Variants in NCK1 observed in about 807,000 individuals in gnomAD.
NCK1 encodes the protein NCK adaptor protein 1, also known as SH2/SH3 adapter protein NCK1.
In NCK1, 19 loss-of-function variants were observed where a neutral mutation model predicts 36.6. The ratio of observed to expected loss-of-function variants is 0.52; its 90% CI spans 0.36 to 0.76. The LOEUF is 0.76. NCK1 is among the 30% of genes least tolerant of loss of function. The pLI is 0.00. For synonymous variants in NCK1, 165 were observed against 156.0 expected (o/e 1.06, Z -0.43); for missense variants, 358 against 445.6 (o/e 0.80, Z 1.77).
At chr3:136,943,488 C>T (rs914433695) in intron 2 of NCK1, among the ~76,000 whole-genome samples, 6 of 152,214 alleles carry the variant, frequency 3.9e-5, no homozygotes, top group African/African-American at 7.2e-5. Context: ...GCAAAGAGAT[C>T]TGGGAACCTT....
intron 2 of NCK1, among the ~76,000 whole-genome samples, chr3:136,931,801 T>C (rs986096514): frequency 6.6e-6 from 1 of 152,066 alleles, no homozygotes; most frequent in Non-Finnish European, 1.5e-5. Flanking sequence ...ATGTTGACCA[T>C]AAAGCAACCA....
chr3:136,888,373 T>C (rs1939130371), intron 1 of NCK1, among the ~76,000 whole-genome samples: 1 of 152,222 alleles, frequency 6.6e-6, no homozygotes, highest in African/African-American at 2.4e-5. Context: ...TTTTAGTATA[T>C]TCAGAGTTGT....
chr3:136,933,226 T>G (rs1405152980), intron 2 of NCK1, among the ~76,000 whole-genome samples: 1 of 152,208 alleles, frequency 6.6e-6, no homozygotes, highest in Non-Finnish European at 1.5e-5. Context: ...GTATGCTCCC[T>G]TATGTGTGTG....
At chr3:136,882,581 G>A (rs543357473) in intron 1 of NCK1, among the ~76,000 whole-genome samples, 1 of 152,106 alleles carries the variant, frequency 6.6e-6, no homozygotes, top group Admixed American at 6.5e-5. Context: ...GTGTGTGTGT[G>A]TGTGTGTGTT....
intron 2 of NCK1, chr3:136,928,785 G>GTGGCCCTAA (rs764087868): frequency 0.038 from 5,717 of 149,904 alleles, 233 homozygotes; most frequent in South Asian, 0.064. Context: ...GCCTGAGACA[G>GTGGCCCTAA]TGGAGCCCAC....
chr3:136,909,675 A>G (rs1480960418), intron 1 of NCK1, among the ~76,000 whole-genome samples: 2 of 152,226 alleles, frequency 1.3e-5, no homozygotes, highest in African/African-American at 4.8e-5. Flanking sequence ...AGAGTCAGGT[A>G]TTGAAGTTTC....
chr3:136,948,291 A>G lies in NCK1; in HGVS notation c.972A>G (p.Gln324=). Residue 324 remains glutamine (Q), a synonymous_variant, in exon 4 of 4, where the codon CAA becomes CAG. Coordinates refer to ENST00000481752, the MANE Select transcript of NCK1 (RefSeq NM_001291999.2). ...ATTTCTCAGTATCACTAAAAGCACA[A>G]GGGAAAAACAAGCATTTTAAAGTCC... ...PNDFSVSLKA[Q]GKNKHFKVQL... 6.2e-7 allele frequency: 1 copy of G among 1,606,270 alleles called. No individual in the cohort carries two copies. Among genetic ancestry groups the G allele is most frequent in the Non-Finnish European group, 8.5e-7 (1 of 1,176,690 alleles).
chr3:136,913,884 G>T (rs1939892916), intron 1 of NCK1, among the ~76,000 whole-genome samples: 1 of 152,154 alleles, frequency 6.6e-6, no homozygotes, highest in Admixed American at 6.5e-5. Context: ...TAGCCAGGAT[G>T]GTCTCGATCT....
At chr3:136,886,893 G>GA in intron 1 of NCK1, among the ~76,000 whole-genome samples, 1 of 150,238 alleles carries the variant, frequency 6.7e-6, no homozygotes, top group African/African-American at 2.5e-5. Flanking sequence ...GCCCAGGCTG[G>GA]AATGCAATGG....
intron 1 of NCK1, among the ~76,000 whole-genome samples, chr3:136,920,004 G>C (rs1244832837): frequency 6.6e-6 from 1 of 152,118 alleles, no homozygotes. Flanking sequence ...AGTAAACAAT[G>C]AAGGGGGAGA....
intron 1 of NCK1, among the ~76,000 whole-genome samples, chr3:136,884,214 G>A (rs1939016509): frequency 6.6e-6 from 1 of 152,170 alleles, no homozygotes; most frequent in African/African-American, 2.4e-5. Flanking sequence ...AGGTGGCGTG[G>A]AGGGAGGGAA....
chr3:136,887,908 C>T (rs547499477), intron 1 of NCK1, among the ~76,000 whole-genome samples: 6 of 151,476 alleles, frequency 4.0e-5, no homozygotes, highest in Non-Finnish European at 8.8e-5. Flanking sequence ...TTTTATTCAT[C>T]GCCTTTATTG....
At chr3:136,944,522 G>T (rs1940761776) in intron 2 of NCK1, among the ~76,000 whole-genome samples, 1 of 152,192 alleles carries the variant, frequency 6.6e-6, no homozygotes, top group African/African-American at 2.4e-5. Context: ...TTTAAAAGTT[G>T]TAGCAGAGTT....
At chr3:136,893,198 A>ACACACACACACACACACCATATTTTC (rs1347213828) in intron 1 of NCK1, among the ~76,000 whole-genome samples, 120 of 131,958 alleles carry the variant, frequency 9.1e-4, no homozygotes, top group Middle Eastern at 3.9e-3. Context: ...ATATACACAC[A>ACACACACACACACACACCATATTTTC]TGTGCAAGTA....
intron 1 of NCK1, among the ~76,000 whole-genome samples, chr3:136,878,922 G>A (rs1284626689): frequency 6.6e-6 from 1 of 152,076 alleles, no homozygotes; most frequent in Non-Finnish European, 1.5e-5. Context: ...CTTCTCTTTG[G>A]CTTCCAGAAT....
At chr3:136,899,268 G>T in intron 1 of NCK1, 1 of 252,528 alleles carries the variant, frequency 4.0e-6, no homozygotes, top group Non-Finnish European at 8.2e-6. Context: ...TTTCCTAGTG[G>T]CATCTGAAGA....
chr3:136,898,141 A>T (rs1279869596), intron 1 of NCK1, among the ~76,000 whole-genome samples: 1 of 152,198 alleles, frequency 6.6e-6, no homozygotes, highest in Non-Finnish European at 1.5e-5. Flanking sequence ...CACACCTGTA[A>T]TCCCAGCACT....
chr3:136,927,872 T>G (rs912680214), intron 1 of NCK1, 112 bp from the exon 2 acceptor site: 1 of 790,196 alleles, frequency 1.3e-6, no homozygotes, highest in African/African-American at 1.8e-5. Flanking sequence ...TTTTTCCATA[T>G]TTTTTACTTT....
At position 136,948,314 on chromosome 3, in the gene NCK1, T is replaced by A; in HGVS notation, c.995T>A (p.Val332Asp). 6.2e-7 allele frequency: 1 copy of A among 1,609,292 alleles called. No homozygotes were observed. Among genetic ancestry groups the A allele is most frequent in the Non-Finnish European group, 8.5e-7 (1 of 1,177,542 alleles). Reference protein sequence around the residue: ...KAQGKNKHFKVQLKETVYCIG... With the variant: ...KAQGKNKHFKDQLKETVYCIG... Reference sequence around the variant, plus strand: ...CAAGGGAAAAACAAGCATTTTAAAGTCCAACTAAAAGAGACTGTCTACTGC... The same window carrying A: ...CAAGGGAAAAACAAGCATTTTAAAGACCAACTAAAAGAGACTGTCTACTGC... Residue 332 changes from valine to aspartate, a missense_variant, in exon 4 of 4, where the codon GTC becomes GAC. Physicochemically the swap from Val to Asp is radical, Grantham distance 152. Around this residue, in one of 3 missense-constraint regions of NCK1, gnomAD observed 207 missense variants for 253.4 expected, o/e 0.82. Coordinates refer to ENST00000481752, the MANE Select transcript of NCK1 (RefSeq NM_001291999.2).
Sources: gnomAD v4.1 joint callset for allele counts (sites outside exome capture counted in the v4.1 genomes callset) on GRCh38, gnomAD v4.1.1 for gene constraint, gnomAD v4.1.1 regional missense constraint, MANE v1.5 for transcripts, NCBI Gene and HGNC (gene_info 2026-07-23, HGNC 2026-07-21) for gene names.